RHBDD1: variants seen among roughly 807,000 people sequenced by gnomAD.
RHBDD1 encodes rhomboid-related protein 4.
A neutral mutation model predicts 36.3 loss-of-function variants in RHBDD1; 38 were observed. That is an observed-to-expected ratio of 1.05 (90% confidence interval 0.81 to 1.37). The LOEUF is 1.37. Among genes scored for constraint, RHBDD1 ranks in the 40% most tolerant of loss-of-function variants. The pLI, the probability that RHBDD1 is intolerant of heterozygous loss-of-function variation, is 0.00. For missense variants in RHBDD1, 393 were observed against 377.6 expected (o/e 1.04, Z -0.34); for synonymous variants, 151 against 136.5 (o/e 1.11, Z -0.74).
intron 8 of RHBDD1, among the ~76,000 whole-genome samples, chr2:226,953,723 T>C (rs991575734): frequency 2.6e-5 from 4 of 152,230 alleles, no homozygotes; most frequent in Non-Finnish European, 5.9e-5. Flanking sequence ...GGTACTTACA[T>C]TCGCTTTGAG....
intron 8 of RHBDD1, among the ~76,000 whole-genome samples, chr2:226,971,529 T>C (rs1309253661): frequency 2.6e-5 from 4 of 152,232 alleles, no homozygotes; most frequent in Non-Finnish European, 1.5e-5. Flanking sequence ...CCAGCTTATT[T>C]GACTTTTGAT....
At chr2:226,976,569 C>T (rs1257439388) in intron 8 of RHBDD1, among the ~76,000 whole-genome samples, 1 of 152,184 alleles carries the variant, frequency 6.6e-6, no homozygotes, top group Non-Finnish European at 1.5e-5. Context: ...AGAATGCACA[C>T]AGTTCCGTGT....
the RHBDD1 span, among the ~76,000 whole-genome samples, chr2:226,803,127 G>T: frequency 6.6e-6 from 1 of 152,200 alleles, no homozygotes; most frequent in East Asian, 1.9e-4. Flanking sequence ...AACAGTGCTT[G>T]AAGGACAATT....
At position 226,957,088 on chromosome 2, in the gene RHBDD1, A is replaced by G. The variant is rs1456676000; in HGVS notation, c.857-38343A>G. 2.6e-5 allele frequency among the ~76,000 whole-genome samples: 4 copies of G among 152,224 alleles called. No homozygotes were observed. In the East Asian group the frequency reaches 7.7e-4, roughly 29 times the overall value. On this transcript the variant is annotated intron_variant, in intron 8 of 8. Coordinates refer to ENST00000392062, the MANE Select transcript of RHBDD1 (RefSeq NM_001167608.3). ...CAAAAATCGATTCTATATTCATTTT[A>G]GTGATACTGCCCATGGGGGCAGAAA...
At chr2:226,940,571 C>T (rs1194929141) in intron 8 of RHBDD1, among the ~76,000 whole-genome samples, 1 of 151,952 alleles carries the variant, frequency 6.6e-6, no homozygotes, top group Non-Finnish European at 1.5e-5. Flanking sequence ...TATATGCCCA[C>T]AATTATATAT....
chr2:226,872,501 C>G (rs575346085), intron 5 of RHBDD1, among the ~76,000 whole-genome samples: 5 of 152,150 alleles, frequency 3.3e-5, no homozygotes, highest in Non-Finnish European at 7.3e-5. Flanking sequence ...CACAGCTCAT[C>G]ATGTAAATTT....
At chr2:226,943,574 A>G (rs1177614669) in intron 8 of RHBDD1, among the ~76,000 whole-genome samples, 1 of 152,230 alleles carries the variant, frequency 6.6e-6, no homozygotes, top group Non-Finnish European at 1.5e-5. Flanking sequence ...AGTGTACTCT[A>G]GAAGTGACAT....
the RHBDD1 span, among the ~76,000 whole-genome samples, chr2:226,801,524 C>T: frequency 6.6e-6 from 1 of 152,208 alleles, no homozygotes; most frequent in Non-Finnish European, 1.5e-5. Context: ...TCTCCTCTCC[C>T]CTTCCTGTTC....
upstream of RHBDD1, among the ~76,000 whole-genome samples, chr2:226,831,430 G>A (rs1300258957): frequency 6.6e-6 from 1 of 152,186 alleles, no homozygotes; most frequent in Non-Finnish European, 1.5e-5. Context: ...GGTCACACTG[G>A]AGTAGGCTGG....
chr2:226,837,094 G>T (rs1941060943), intron 1 of RHBDD1, among the ~76,000 whole-genome samples: 1 of 152,146 alleles, frequency 6.6e-6, no homozygotes, highest in South Asian at 2.1e-4. Flanking sequence ...GAGAATTAAT[G>T]GCGTAGTGAT....
In RHBDD1 at chr2:226,956,823, A is replaced by G. The variant is rs146766535; in HGVS notation, c.857-38608A>G. ...ACAGAGACAGAGGGATCATGGTGTC[A>G]TTGACCTGCATGGCTTCTGGCAGTT... On this transcript the variant is annotated intron_variant, in intron 8 of 8. Transcript: ENST00000392062. 2.6e-3 allele frequency among the ~76,000 whole-genome samples: 396 copies of G among 152,314 alleles called. 4 individuals carry two copies. The highest frequency in any genetic ancestry group is 9.0e-3 in the African/African-American group (376 of 41,578).
intron 3 of RHBDD1, among the ~76,000 whole-genome samples, chr2:226,856,309 A>G (rs1943319369): frequency 6.6e-6 from 1 of 152,172 alleles, no homozygotes; most frequent in African/African-American, 2.4e-5. Context: ...TATTCAGTTA[A>G]TAAATTCGTG....
chr2:226,927,188 T>C (rs1056330942), intron 8 of RHBDD1, among the ~76,000 whole-genome samples: 3 of 152,192 alleles, frequency 2.0e-5, no homozygotes, highest in African/African-American at 7.2e-5. Flanking sequence ...GTCATATAAA[T>C]GAAATCACAC....
In RHBDD1 at chr2:226,932,973, G is replaced by A. The variant is rs568306219; in HGVS notation, c.856+18622G>A. On this transcript the variant is annotated intron_variant, in intron 8 of 8. Transcript: ENST00000392062. ...TGACTCACAGTTCCACATTGCTGGGGAGGCCTCAAGAAGCTTACAATCATG... is the reference window on the plus strand; with the variant it reads ...TGACTCACAGTTCCACATTGCTGGGAAGGCCTCAAGAAGCTTACAATCATG... Among the ~76,000 whole-genome samples the A allele has an allele frequency of 6.0e-4, 91 of 152,180 alleles. 1 individual carries two copies. The highest frequency in any genetic ancestry group is 2.2e-3 in the African/African-American group (90 of 41,542).
chr2:226,818,560 G>C, the RHBDD1 span, among the ~76,000 whole-genome samples: 14 of 150,926 alleles, frequency 9.3e-5, no homozygotes, highest in Non-Finnish European at 1.8e-4. Context: ...AGATGACCTG[G>C]CCGGGTGTGG....
chr2:226,888,668 T>C (rs541745132), intron 5 of RHBDD1, among the ~76,000 whole-genome samples: 39 of 152,330 alleles, frequency 2.6e-4, no homozygotes, highest in Non-Finnish European at 5.1e-4. Context: ...GAAAAGGCTA[T>C]GTGTAAAGCA....
rs781258642 is a variant in RHBDD1 at position 226,914,223 on chromosome 2, A to G, written c.728A>G (p.Gln243Arg). The change falls in exon 8 of 9, where the codon CAG becomes CGG. Residue 243 changes from glutamine (Q) to arginine (R), a missense_variant. By Grantham distance (43) the Gln-to-Arg change is conservative. Coordinates refer to ENST00000392062, the MANE Select transcript of RHBDD1 (RefSeq NM_001167608.3). ...YFNSSGSSGY[Q>R]DYYPHGRPDH... ...GTGCCTTTAGGCAGCTCTGGATATC[A>G]GGATTATTATCCGCATGGCAGGCCA... 6.2e-6 allele frequency: 10 copies of G among 1,613,636 alleles called. No individual in the cohort carries two copies. The highest frequency in any genetic ancestry group is 7.6e-6 in the Non-Finnish European group (9 of 1,179,746).
At chr2:226,939,679 G>A (rs995848863) in intron 8 of RHBDD1, among the ~76,000 whole-genome samples, 1 of 152,166 alleles carries the variant, frequency 6.6e-6, no homozygotes, top group African/African-American at 2.4e-5. Context: ...TCATGAAAAT[G>A]GTCACACTTC....
intron 7 of RHBDD1, among the ~76,000 whole-genome samples, chr2:226,912,914 A>G (rs1948623054): frequency 1.3e-5 from 2 of 152,310 alleles, no homozygotes; most frequent in South Asian, 2.1e-4. Flanking sequence ...ACTACTTTTC[A>G]TGACCAATAT....
Sources: gnomAD v4.1 joint callset for allele counts (sites outside exome capture counted in the v4.1 genomes callset) on GRCh38, gnomAD v4.1.1 for gene constraint, MANE v1.5 for transcripts, NCBI Gene and HGNC (gene_info 2026-07-23, HGNC 2026-07-21) for gene names.